SMYD3: variants seen among roughly 807,000 people sequenced by gnomAD.
The protein encoded by SMYD3 is histone-lysine N-methyltransferase SMYD3.
A neutral mutation model predicts 57.7 loss-of-function variants in SMYD3; 36 were observed. That is an observed-to-expected ratio of 0.62 (90% confidence interval 0.48 to 0.82). The LOEUF (loss-of-function observed/expected upper bound fraction) is 0.82, where lower values mean the gene tolerates loss of function less well. Ranked by LOEUF, SMYD3 falls within the 40% of genes least tolerant of loss-of-function variation. The pLI, the probability that SMYD3 is intolerant of heterozygous loss-of-function variation, is 0.00. For synonymous variants in SMYD3, 211 were observed against 195.0 expected (o/e 1.08, Z -0.68); for missense variants, 515 against 538.8 (o/e 0.96, Z 0.44).
chr1:246,397,912 TA>T (rs11284190), intron 1 of SMYD3, among the ~76,000 whole-genome samples: 129,306 of 132,264 alleles, frequency 0.98, 63,200 homozygotes, highest in Non-Finnish European at 0.99. Flanking sequence ...GGTTGAGTCA[TA>T]AAAAAAAAAA....
intron 5 of SMYD3, among the ~76,000 whole-genome samples, chr1:245,964,035 C>T (rs1379155093): frequency 2.0e-5 from 3 of 152,192 alleles, no homozygotes; most frequent in Admixed American, 6.5e-5. Flanking sequence ...GCTCTGCAGG[C>T]CATACATGAA....
chr1:246,199,090 C>T (rs947625469), intron 5 of SMYD3, among the ~76,000 whole-genome samples: 1 of 151,860 alleles, frequency 6.6e-6, no homozygotes, highest in African/African-American at 2.4e-5. Flanking sequence ...GCCTAGTACC[C>T]AATGGGTAGT....
chr1:245,902,086 C>T (rs2054224223), intron 8 of SMYD3, among the ~76,000 whole-genome samples: 1 of 152,158 alleles, frequency 6.6e-6, no homozygotes, highest in Non-Finnish European at 1.5e-5. Context: ...AGAAGCCCCT[C>T]CATTCCACAT....
At chr1:245,933,471 A>T (rs2056836691) in intron 5 of SMYD3, among the ~76,000 whole-genome samples, 2 of 152,226 alleles carry the variant, frequency 1.3e-5, no homozygotes, top group South Asian at 4.1e-4. Context: ...ACTAATTGAA[A>T]GCCTTCATAT....
chr1:246,201,472 C>T (rs1480181224), intron 5 of SMYD3, among the ~76,000 whole-genome samples: 1 of 152,170 alleles, frequency 6.6e-6, no homozygotes, highest in East Asian at 1.9e-4. Context: ...TGGTAATATG[C>T]ATTTTATATG....
intron 5 of SMYD3, among the ~76,000 whole-genome samples, chr1:246,026,435 G>A (rs997318056): frequency 6.6e-6 from 1 of 152,086 alleles, no homozygotes; most frequent in Non-Finnish European, 1.5e-5. Flanking sequence ...CATGGATCTT[G>A]TGTTTACTAG....
At chr1:245,979,873 C>G (rs2058554082) in intron 5 of SMYD3, among the ~76,000 whole-genome samples, 1 of 152,174 alleles carries the variant, frequency 6.6e-6, no homozygotes, top group Non-Finnish European at 1.5e-5. Flanking sequence ...AATGCAGTTA[C>G]AAAACATTTT....
At chr1:245,783,901 A>C (rs2046933342) in intron 10 of SMYD3, among the ~76,000 whole-genome samples, 1 of 152,232 alleles carries the variant, frequency 6.6e-6, no homozygotes, top group Non-Finnish European at 1.5e-5. Context: ...TAAATAAATA[A>C]AGAGCCACAC....
intron 5 of SMYD3, among the ~76,000 whole-genome samples, chr1:246,025,561 A>G (rs2059560186): frequency 6.6e-6 from 1 of 152,190 alleles, no homozygotes; most frequent in African/African-American, 2.4e-5. Context: ...TACCTCAGAA[A>G]AAGCTGCGTC....
At chr1:246,410,668 G>A (rs551254986) in intron 1 of SMYD3, among the ~76,000 whole-genome samples, 6 of 152,254 alleles carry the variant, frequency 3.9e-5, no homozygotes, top group East Asian at 3.9e-4. Flanking sequence ...TTGGTATCAC[G>A]ATGATGATGG....
At chr1:246,196,080 T>C (rs1196167704) in intron 5 of SMYD3, among the ~76,000 whole-genome samples, 3 of 152,170 alleles carry the variant, frequency 2.0e-5, no homozygotes, top group East Asian at 1.9e-4. Context: ...TGAGATGTCA[T>C]GTTTAAATTT....
chr1:246,345,185 G>A (rs1398410957), intron 2 of SMYD3, among the ~76,000 whole-genome samples: 2 of 151,984 alleles, frequency 1.3e-5, no homozygotes, highest in Non-Finnish European at 2.9e-5. Flanking sequence ...TGTTTTCTCG[G>A]TTTTATAGTT....
At chr1:246,464,632 G>A (rs927300573) in intron 1 of SMYD3, among the ~76,000 whole-genome samples, 5 of 152,228 alleles carry the variant, frequency 3.3e-5, no homozygotes, top group Non-Finnish European at 7.3e-5. Context: ...CTCCACGATG[G>A]TGTCTAGGTA....
intron 11 of SMYD3, among the ~76,000 whole-genome samples, chr1:245,755,169 C>A (rs2045556865): frequency 6.6e-6 from 1 of 152,202 alleles, no homozygotes; most frequent in Non-Finnish European, 1.5e-5. Flanking sequence ...TACAATGTGC[C>A]ATGCCAGACA....
At chr1:246,079,608 G>A (rs936207164) in intron 5 of SMYD3, among the ~76,000 whole-genome samples, 6 of 152,096 alleles carry the variant, frequency 3.9e-5, no homozygotes, top group African/African-American at 9.7e-5. Flanking sequence ...ATCATCCCCC[G>A]ACTGTCTGTC....
intron 5 of SMYD3, among the ~76,000 whole-genome samples, chr1:246,310,661 CTTTTT>C (rs386370347): frequency 5.5e-5 from 4 of 72,222 alleles, no homozygotes; most frequent in South Asian, 7.0e-4. Flanking sequence ...AAGAGTAAGG[CTTTTT>C]TTTTTTTTTT....
At chr1:245,834,714 C>T (rs2050018427) in intron 10 of SMYD3, among the ~76,000 whole-genome samples, 2 of 152,192 alleles carry the variant, frequency 1.3e-5, no homozygotes, top group Admixed American at 6.5e-5. Flanking sequence ...GGAGTAATCA[C>T]CATTTCAGCC....
intron 5 of SMYD3, among the ~76,000 whole-genome samples, chr1:246,194,277 T>TC (rs1474960736): frequency 6.6e-6 from 1 of 151,900 alleles, no homozygotes; most frequent in Non-Finnish European, 1.5e-5. Flanking sequence ...TTTTTGTTTT[T>TC]TTTTTTTTGA....
rs148962315 is a variant in SMYD3 at position 246,382,318 on chromosome 1, G to T, written c.165-27224C>A. ...CCCATGTCAGCCGCTACAACTCTAGGTTCCAGGCTCACTAGAATGCCAGGT... is the reference window on the plus strand; with the variant it reads ...CCCATGTCAGCCGCTACAACTCTAGTTTCCAGGCTCACTAGAATGCCAGGT... On this transcript the variant is annotated intron_variant, in intron 1 of 11. Coordinates refer to ENST00000490107, the MANE Select transcript of SMYD3 (RefSeq NM_001167740.2). Among the ~76,000 whole-genome samples the T allele has an allele frequency of 3.8e-3, 581 of 152,046 alleles. 2 individuals are homozygous for T. The highest frequency in any genetic ancestry group is 0.012 in the African/African-American group (507 of 41,474).
Sources: allele counts gnomAD v4.1 joint callset (sites outside exome capture counted in the v4.1 genomes callset), GRCh38; gene constraint gnomAD v4.1.1; transcripts MANE v1.5; gene names NCBI Gene and HGNC (gene_info 2026-07-23, HGNC 2026-07-21).